OTOP1: variants seen among roughly 807,000 people sequenced by gnomAD.
OTOP1 encodes proton channel OTOP1.
A neutral mutation model predicts 52.9 loss-of-function variants in OTOP1; 59 were observed. The observed-to-expected ratio is 1.12, with a 90% CI of 0.91 to 1.39. The LOEUF is 1.39. OTOP1 is among the 40% of genes most tolerant of loss of function. OTOP1 has a pLI of 0.00. For synonymous variants in OTOP1, 317 were observed against 337.7 expected (o/e 0.94, Z 0.67); for missense variants, 761 against 800.9 (o/e 0.95, Z 0.60).
At chr4:4,199,547 G>T (rs556289547) in intron 4 of OTOP1, among the ~76,000 whole-genome samples, 1 of 151,916 alleles carries the variant, frequency 6.6e-6, no homozygotes, top group South Asian at 2.1e-4. Flanking sequence ...TGAGTAGCTG[G>T]GACCACAGGC....
In OTOP1 at chr4:4,189,377, C is replaced by A. The variant is rs1262463609; in HGVS notation, c.1669-404G>T. ...ACTTTTGTTTGTGTTGTTCACGGAA[C>A]CTACACACTGTTCCCTGCTTCTCAG... On this transcript the variant is annotated intron_variant, in intron 5 of 5. Transcript: ENST00000296358. Among the ~76,000 whole-genome samples the A allele has an allele frequency of 2.6e-5, 4 of 152,216 alleles. No homozygotes were observed. The East Asian group carries it at 7.7e-4, about 29-fold the overall frequency.
chr4:4,219,804 T>C (rs1286250266), intron 1 of OTOP1, among the ~76,000 whole-genome samples: 1 of 146,870 alleles, frequency 6.8e-6, no homozygotes, highest in Non-Finnish European at 1.5e-5. Context: ...TATAAATATA[T>C]ATACGTGTAT....
intron 4 of OTOP1, 85 bp from the exon 5 acceptor site, chr4:4,198,188 G>A: frequency 8.4e-7 from 1 of 1,188,982 alleles, no homozygotes; most frequent in South Asian, 1.4e-5. Flanking sequence ...TTTCCACCGT[G>A]GATTCAGGCT....
rs547874305 is a variant in OTOP1 at position 4,216,700 on chromosome 4, C to T, written c.404-3696G>A. Among the ~76,000 whole-genome samples the T allele has an allele frequency of 1.3e-4, 20 of 152,250 alleles. No homozygotes were observed. In the South Asian group the frequency reaches 3.7e-3, roughly 28 times the overall value. ...GTGCTTTGAAATGTTCTGACAAATA[C>T]GTGGTTGGTTTTAATTACAAAAAAA... On this transcript the variant is annotated intron_variant, in intron 1 of 5. Coordinates refer to ENST00000296358, the MANE Select transcript of OTOP1 (RefSeq NM_177998.3).
At position 4,197,514 on chromosome 4, in the gene OTOP1, G is replaced by A. The variant is rs1319739454; in HGVS notation, c.1320C>T (p.Asn440=). ...GGTGAATGGATTCAAAGATGAAGAG[G>A]TTCTGGATGTACTTCTCCACGATCG... is the stretch of plus-strand genomic sequence containing the variant. ...ILAIVEKYIQ[N]LFIFESIHRE... Residue 440 remains asparagine, a synonymous_variant, in exon 5 of 6, where the codon AAC becomes AAT. Coordinates refer to ENST00000296358, the MANE Select transcript of OTOP1 (RefSeq NM_177998.3). 10 of 1,613,946 alleles carry A rather than the reference G, an allele frequency of 6.2e-6. No homozygotes were observed. In the Admixed American group the frequency reaches 1.5e-4, roughly 24 times the overall value.
Position 4,197,187 on chromosome 4 carries a change from G to C in OTOP1, c.1647C>G (p.Phe549Leu). Residue 549 changes from phenylalanine (F) to leucine (L), a missense_variant, in exon 5 of 6, where the codon TTC (phenylalanine) becomes TTG (leucine). Phe to Leu is a conservative substitution (Grantham distance 22). Around this residue, in one of 3 missense-constraint regions of OTOP1, gnomAD observed 632 missense variants for 619.5 expected, o/e 1.02. Transcript: ENST00000296358. ...KRKVLRNIAAFLFLCNISLWI... is the reference protein window; with the variant it reads ...KRKVLRNIAALLFLCNISLWI... ...TTACCGAAATATTGCAGAGGAACAA[G>C]AAGGCTGCAATATTCCTCAGGACTT... The C allele has an allele frequency of 1.2e-6, 2 of 1,609,846 alleles. No homozygotes were observed. Among genetic ancestry groups the C allele is most frequent in the East Asian group, 4.5e-5 (2 of 44,810 alleles).
intron 2 of OTOP1, among the ~76,000 whole-genome samples, chr4:4,211,800 C>T (rs1717032092): frequency 6.6e-6 from 1 of 152,124 alleles, no homozygotes; most frequent in Admixed American, 6.6e-5. Flanking sequence ...ACAAAATAAC[C>T]TAAAGAGTAG....
intron 1 of OTOP1, among the ~76,000 whole-genome samples, chr4:4,214,817 T>A (rs1316975603): frequency 6.6e-6 from 1 of 152,156 alleles, no homozygotes; most frequent in Admixed American, 6.5e-5. Flanking sequence ...GAGGAGTTAG[T>A]GTTTAATGAG....
At chr4:4,192,938 A>C (rs1360584899) in intron 5 of OTOP1, among the ~76,000 whole-genome samples, 1 of 152,136 alleles carries the variant, frequency 6.6e-6, no homozygotes, top group Non-Finnish European at 1.5e-5. Context: ...GCCAGACGAG[A>C]ATAACCTGGA....
At chr4:4,205,125 C>G (rs1716871987) in intron 3 of OTOP1, among the ~76,000 whole-genome samples, 1 of 152,174 alleles carries the variant, frequency 6.6e-6, no homozygotes, top group Non-Finnish European at 1.5e-5. Context: ...GAGATTCACT[C>G]CATTACCCTG....
rs186661688 is a variant in OTOP1, at chr4:4,199,609, C to T, written c.731-1506G>A. Among the ~76,000 whole-genome samples the T allele has an allele frequency of 4.3e-4, 65 of 152,190 alleles. No homozygotes were observed. The South Asian group carries it at 6.2e-3, about 15-fold the overall frequency. Reference sequence around the variant, plus strand: ...TACATTTTTTGTAGAGACAGGGTTCCGCCACGTTGGCTAGGCTGGTCTTGA... The same window carrying T: ...TACATTTTTTGTAGAGACAGGGTTCTGCCACGTTGGCTAGGCTGGTCTTGA... On this transcript the variant is annotated intron_variant, in intron 4 of 5. Coordinates refer to ENST00000296358, the MANE Select transcript of OTOP1 (RefSeq NM_177998.3).
At chr4:4,198,146 T>C (rs769772296) in intron 4 of OTOP1, 43 bp from the exon 5 acceptor site, 1 of 1,521,710 alleles carries the variant, frequency 6.6e-7, no homozygotes, top group South Asian at 1.1e-5. Context: ...GATTAGCAGG[T>C]GCAAGGGGGA....
intron 3 of OTOP1, among the ~76,000 whole-genome samples, chr4:4,204,158 G>A (rs1716848267): frequency 1.3e-5 from 2 of 152,124 alleles, no homozygotes; most frequent in African/African-American, 4.8e-5. Context: ...GGAAACTGCA[G>A]GCAAAACCTT....
chr4:4,218,305 T>C (rs186048676), intron 1 of OTOP1, among the ~76,000 whole-genome samples: 1,554 of 149,472 alleles, frequency 0.01, 33 homozygotes, highest in African/African-American at 0.037. Context: ...GGCAGGAGAA[T>C]GGTGTGAACC....
At chr4:4,223,462 T>C (rs1213542473) in intron 1 of OTOP1, among the ~76,000 whole-genome samples, 2 of 151,484 alleles carry the variant, frequency 1.3e-5, no homozygotes, top group Non-Finnish European at 2.9e-5. Context: ...AAGTGAATGA[T>C]GATAGAAGCT....
chr4:4,197,895 C>A lies in OTOP1; in HGVS notation c.939G>T (p.Val313=). 1 of 1,614,134 alleles carries A rather than the reference C, an allele frequency of 6.2e-7. No homozygotes were observed. Among genetic ancestry groups the A allele is most frequent in the Non-Finnish European group, 8.5e-7 (1 of 1,180,028 alleles). The change falls in exon 5 of 6, where the codon GTG becomes GTT. Residue 313 remains valine, a synonymous_variant. Coordinates refer to ENST00000296358, the MANE Select transcript of OTOP1 (RefSeq NM_177998.3). ...GCACGGTCAGGCCCAGGACTGCGCC[C>A]ACCATGACCCCATCAGACTTGAACT... ...KMQFKSDGVM[V]GAVLGLTVLA... is the part of the protein sequence containing the mutation.
chr4:4,219,658 C>T (rs1033077443), intron 1 of OTOP1, among the ~76,000 whole-genome samples: 21 of 149,724 alleles, frequency 1.4e-4, no homozygotes, highest in African/African-American at 4.7e-4. Context: ...GATCGTGCCA[C>T]TGCACTCCAG....
intron 4 of OTOP1, among the ~76,000 whole-genome samples, chr4:4,202,141 T>C (rs1577178173): frequency 6.6e-6 from 1 of 152,300 alleles, no homozygotes; most frequent in East Asian, 1.9e-4. Flanking sequence ...TCTTCTGTAG[T>C]TGAAAACAAA....
At chr4:4,222,224 A>G (rs1301301322) in intron 1 of OTOP1, among the ~76,000 whole-genome samples, 1 of 152,090 alleles carries the variant, frequency 6.6e-6, no homozygotes, top group Non-Finnish European at 1.5e-5. Context: ...AGTGCTAGAA[A>G]GAAAATGAAG....
Sources: gnomAD v4.1 joint callset for allele counts (sites outside exome capture counted in the v4.1 genomes callset) on GRCh38, gnomAD v4.1.1 for gene constraint, gnomAD v4.1.1 regional missense constraint, MANE v1.5 for transcripts, NCBI Gene and HGNC (gene_info 2026-07-23, HGNC 2026-07-21) for gene names.